The following ATP5PB variants were observed in gnomAD, a reference collection of about 807,000 sequenced individuals.
ATP5PB encodes ATP synthase peripheral stalk-membrane subunit b, also known as ATP synthase peripheral stalk subunit b, mitochondrial.
In ATP5PB, 21 loss-of-function variants were observed where a neutral mutation model predicts 34.5. The ratio of observed to expected loss-of-function variants is 0.61; its 90% confidence interval spans 0.43 to 0.88. ATP5PB has a LOEUF of 0.88. Ranked by LOEUF, ATP5PB falls within the 40% of genes least tolerant of loss-of-function variation. The pLI, the probability that ATP5PB is intolerant of heterozygous loss-of-function variation, is 0.00. For synonymous variants in ATP5PB, 108 were observed against 114.1 expected, an observed-to-expected ratio of 0.95 and a Z score of 0.34; for missense variants, 293 against 317.4, an observed-to-expected ratio of 0.92 and a Z score of 0.58.
At chr1:111,449,894 C>T (rs2298188) in intron 2 of ATP5PB, 21 bp downstream of exon 2, 23,505 of 1,613,904 alleles carry the variant, frequency 0.015, 428 homozygotes, top group East Asian at 0.064. Context: ...GGATAATGCT[C>T]CCTTTCGTCT....
intron 2 of ATP5PB, among the ~76,000 whole-genome samples, chr1:111,450,484 C>T (rs1003756188): frequency 4.6e-5 from 7 of 152,204 alleles, no homozygotes; most frequent in African/African-American, 1.7e-4. Context: ...GGCCCCTCCA[C>T]TTACTGGCTG....
rs1653615323 is a variant in ATP5PB at position 111,461,296 on chromosome 1, C to T, written c.*302C>T. On this transcript the variant is annotated 3_prime_UTR_variant, in exon 7 of 7. Coordinates refer to ENST00000369722, the MANE Select transcript of ATP5PB (RefSeq NM_001688.5). ...TTATAGTTTAAATTTGTAATTAATT[C>T]TACCATCTTGCAATAAAGTGACAAT... 4.6e-6 allele frequency: 1 copy of T among 219,646 alleles called. No homozygotes were observed. The highest frequency in any genetic ancestry group is 9.2e-6 in the Non-Finnish European group (1 of 108,338). 13.6% of individuals were successfully genotyped at this position (219,646 alleles called of 1,614,324 possible). A position where few individuals can be genotyped will look rare whatever the true frequency, so the allele number is the denominator to read the frequency against.
intron 3 of ATP5PB, 96 bp from the exon 4 acceptor site, chr1:111,455,990 C>A: frequency 9.1e-7 from 1 of 1,101,264 alleles, no homozygotes; most frequent in Non-Finnish European, 1.2e-6. Flanking sequence ...TAAGTCATTA[C>A]TTTGCCTTCA....
At chr1:111,456,803 A>AT in intron 5 of ATP5PB, 48 bp downstream of exon 5, 2 of 1,504,874 alleles carry the variant, frequency 1.3e-6, no homozygotes, top group Admixed American at 2.4e-5. Flanking sequence ...TGTTGTGTGC[A>AT]TTTTTTTAAT....
intron 2 of ATP5PB, among the ~76,000 whole-genome samples, chr1:111,451,284 C>T (rs1241046987): frequency 6.6e-6 from 1 of 152,204 alleles, no homozygotes; most frequent in East Asian, 1.9e-4. Flanking sequence ...CTGAAAACTA[C>T]CAAGCGCATT....
chr1:111,462,469 G>A lies in ATP5PB; in HGVS notation c.*1475G>A, dbSNP rs1390119831. The A allele has an allele frequency of 6.6e-6, 1 of 152,136 alleles. No homozygotes were observed. The highest frequency in any genetic ancestry group is 2.4e-5 in the African/African-American group (1 of 41,440). The allele number at this position is 152,136 out of a possible 1,614,324, so 9.4% of individuals were successfully genotyped here. On this transcript the variant is annotated 3_prime_UTR_variant, in exon 7 of 7. Coordinates refer to ENST00000369722, the MANE Select transcript of ATP5PB (RefSeq NM_001688.5). ...TTTTTTTAAATTGAAGAAAAATCCT[G>A]TAGATAAATTAGAAAATTCTTCCCT...
In ATP5PB at chr1:111,449,828, T is replaced by A. The variant is rs748279498; in HGVS notation, c.41-9T>A. The A allele has an allele frequency of 6.2e-7, 1 of 1,614,188 alleles. No homozygotes were observed. Among genetic ancestry groups the A allele is most frequent in the South Asian group, 1.1e-5 (1 of 91,078 alleles). Reference sequence around the variant, plus strand: ...TGACTTTGCTGACCTTCGCCTTGTCTATCTGCAGCCCCCTCTCTGAAGAAT... The same window carrying A: ...TGACTTTGCTGACCTTCGCCTTGTCAATCTGCAGCCCCCTCTCTGAAGAAT... On this transcript the variant is annotated splice_polypyrimidine_tract_variant and intron_variant, in intron 1 of 6. Coordinates refer to ENST00000369722, the MANE Select transcript of ATP5PB (RefSeq NM_001688.5).
At chr1:111,449,894 C>G (rs2298188) in intron 2 of ATP5PB, 21 bp downstream of exon 2, 1 of 1,613,946 alleles carries the variant, frequency 6.2e-7, no homozygotes, top group African/African-American at 1.3e-5. Context: ...GGATAATGCT[C>G]CCTTTCGTCT....
rs150797092 is a variant in ATP5PB at position 111,454,172 on chromosome 1, A to C, written c.78-39A>C. On this transcript the variant is annotated intron_variant, in intron 2 of 6. Coordinates refer to ENST00000369722, the MANE Select transcript of ATP5PB (RefSeq NM_001688.5). ...TTATTCATACACTGTATTCTCCTTA[A>C]AGAAACAGGCTTTACATTTGTACAA... The C allele has an allele frequency of 1.6e-5, 24 of 1,519,506 alleles. No homozygotes were observed. In the East Asian group the frequency reaches 3.7e-4, roughly 24 times the overall value. 94.1% of individuals were successfully genotyped at this position (1,519,506 alleles called of 1,614,324 possible). A position where few individuals can be genotyped will look rare whatever the true frequency, so the allele number is the denominator to read the frequency against.
At chr1:111,459,036 T>C (rs1653549598) in intron 5 of ATP5PB, among the ~76,000 whole-genome samples, 1 of 152,206 alleles carries the variant, frequency 6.6e-6, no homozygotes, top group South Asian at 2.1e-4. Context: ...AAATCTACAA[T>C]GTATGCACCA....
chr1:111,453,322 A>G (rs1653384148), intron 2 of ATP5PB, among the ~76,000 whole-genome samples: 1 of 152,064 alleles, frequency 6.6e-6, no homozygotes, highest in South Asian at 2.1e-4. Flanking sequence ...TGGCAATAGT[A>G]AGTTCTCAAT....
chr1:111,456,575 C>CT (rs1351407566), intron 4 of ATP5PB, 55 bp from the exon 5 acceptor site: 21 of 1,563,960 alleles, frequency 1.3e-5, no homozygotes, highest in East Asian at 6.9e-5. Flanking sequence ...AATGAATCTC[C>CT]TTTTTTTACC....
chr1:111,450,512 C>T (rs555556952), intron 2 of ATP5PB, among the ~76,000 whole-genome samples: 2 of 152,150 alleles, frequency 1.3e-5, no homozygotes, highest in African/African-American at 2.4e-5. Context: ...TCAATTTCCT[C>T]ATCTATAAAA....
chr1:111,462,643 T>A lies in ATP5PB; in HGVS notation c.*1649T>A, dbSNP rs1044842081. ...GACTTCCTAAGATTTTATGTAATAATCATTTGAGTCAATATTGGTAGCTAA... is the reference window on the plus strand; with the variant it reads ...GACTTCCTAAGATTTTATGTAATAAACATTTGAGTCAATATTGGTAGCTAA... On this transcript the variant is annotated 3_prime_UTR_variant, in exon 7 of 7. Coordinates refer to ENST00000369722, the MANE Select transcript of ATP5PB (RefSeq NM_001688.5). 1 of 152,260 alleles carries A rather than the reference T, an allele frequency of 6.6e-6. No homozygotes were observed. The highest frequency in any genetic ancestry group is 1.5e-5 in the Non-Finnish European group (1 of 68,044). The allele number at this position is 152,260 out of a possible 1,614,324, so 9.4% of individuals were successfully genotyped here. A position where few individuals can be genotyped will look rare whatever the true frequency, so the allele number is the denominator to read the frequency against.
At chr1:111,450,001 C>G (rs768438832) in intron 2 of ATP5PB, 128 bp downstream of exon 2, 65 of 1,187,402 alleles carry the variant, frequency 5.5e-5, no homozygotes, top group Non-Finnish European at 7.9e-5. Flanking sequence ...CTTAAACCCT[C>G]TTTCAGACAA....
intron 3 of ATP5PB, among the ~76,000 whole-genome samples, chr1:111,455,376 T>C (rs1653443511): frequency 6.6e-6 from 1 of 152,256 alleles, no homozygotes; most frequent in African/African-American, 2.4e-5. Context: ...GTAACCCTGT[T>C]GTTCTTATGA....
rs1016224547 is a variant in ATP5PB, at chr1:111,461,224, G to A, written c.*230G>A. The stretch of plus-strand genomic sequence containing the variant: ...TTGTTCCGTGATCACTTCTGAATAA[G>A]CAGTTTGCCTTTATAAAAACTTGCT... On this transcript the variant is annotated 3_prime_UTR_variant, in exon 7 of 7. Coordinates refer to ENST00000369722, the MANE Select transcript of ATP5PB (RefSeq NM_001688.5). 2.9e-6 allele frequency: 1 copy of A among 349,372 alleles called. No homozygotes were observed. Among genetic ancestry groups the A allele is most frequent in the Non-Finnish European group, 5.3e-6 (1 of 188,044 alleles). 21.6% of individuals were successfully genotyped at this position (349,372 alleles called of 1,614,324 possible). A position where few individuals can be genotyped will look rare whatever the true frequency, so the allele number is the denominator to read the frequency against.
intron 3 of ATP5PB, 126 bp from the exon 4 acceptor site, chr1:111,455,960 G>T: frequency 1.2e-6 from 1 of 810,086 alleles, no homozygotes; most frequent in Non-Finnish European, 1.8e-6. Flanking sequence ...CCAATCCAGT[G>T]TTTTGTCTTT....
At chr1:111,452,425 T>C (rs1247215724) in intron 2 of ATP5PB, among the ~76,000 whole-genome samples, 1 of 151,438 alleles carries the variant, frequency 6.6e-6, no homozygotes, top group Non-Finnish European at 1.5e-5. Context: ...TAGCTGGGTG[T>C]GGTGGCACAC....
Sources: allele counts gnomAD v4.1 joint callset (sites outside exome capture counted in the v4.1 genomes callset), GRCh38; gene constraint gnomAD v4.1.1; transcripts MANE v1.5; gene names NCBI Gene and HGNC (gene_info 2026-07-23, HGNC 2026-07-21).